GALNT5: variants seen among roughly 807,000 people sequenced by gnomAD.
GALNT5 encodes polypeptide N-acetylgalactosaminyltransferase 5.
Under a neutral mutation model 85.4 loss-of-function variants are expected in GALNT5, and 72 were observed. The observed-to-expected ratio is 0.84, with a 90% confidence interval of 0.70 to 1.03. The LOEUF is 1.03. Ranked by LOEUF, GALNT5 falls within the 50% of genes least tolerant of loss-of-function variation. The pLI is 0.00. For missense variants in GALNT5, 1,137 were observed against 1,135.5 expected (o/e 1.00, Z -0.02); for synonymous variants, 404 against 397.0 (o/e 1.02, Z -0.21).
At chr2:157,277,968 T>C (rs903759962) in intron 1 of GALNT5, among the ~76,000 whole-genome samples, 27 of 152,304 alleles carry the variant, frequency 1.8e-4, no homozygotes, top group Admixed American at 1.1e-3. Flanking sequence ...ACCAGTTGTT[T>C]CTTTCCATGT....
intron 5 of GALNT5, among the ~76,000 whole-genome samples, chr2:157,297,969 G>GT (rs751581726): frequency 3.9e-5 from 6 of 152,124 alleles, no homozygotes; most frequent in Non-Finnish European, 7.4e-5. Context: ...TTGAGCCTCT[G>GT]TTTTTTTATT....
At position 157,257,797 on chromosome 2, in the gene GALNT5, GA is replaced by G. The variant is rs1682219419; in HGVS notation, c.-284del. 2.5e-6 allele frequency: 1 copy of G among 408,062 alleles called. No individual in the cohort carries two copies. The highest frequency in any genetic ancestry group is 4.5e-6 in the Non-Finnish European group (1 of 223,224). The allele number at this position is 408,062 out of a possible 1,614,324, so 25.3% of individuals were successfully genotyped here. A position where few individuals can be genotyped will look rare whatever the true frequency, so the allele number is the denominator to read the frequency against. On this transcript the variant is annotated 5_prime_UTR_variant, in exon 1 of 10. It introduces an in-frame stop codon into an upstream open reading frame of the 5' UTR. Coordinates refer to ENST00000259056, the MANE Select transcript of GALNT5 (RefSeq NM_014568.3). ...GATATGTTGAACTGTTCGGTGGCTG[GA>G]ATCAACTGCTCCTGGAGTGACCTAA...
At chr2:157,278,379 A>C (rs1682785126) in intron 1 of GALNT5, among the ~76,000 whole-genome samples, 1 of 151,918 alleles carries the variant, frequency 6.6e-6, no homozygotes, top group South Asian at 2.1e-4. Context: ...GGTTGGGGAC[A>C]TTCTCCTGGA....
At chr2:157,272,495 C>G (rs900285895) in intron 1 of GALNT5, among the ~76,000 whole-genome samples, 1 of 152,168 alleles carries the variant, frequency 6.6e-6, no homozygotes, top group Non-Finnish European at 1.5e-5. Context: ...GAGCATAGTA[C>G]TCAACAGTTA....
chr2:157,313,464 AAACAGAGCC>A lies in GALNT5; in HGVS notation c.*2118_*2126del, dbSNP rs1374055289. The A allele has an allele frequency of 6.6e-6, 1 of 152,182 alleles. No individual in the cohort carries two copies. Among genetic ancestry groups the A allele is most frequent in the Non-Finnish European group, 1.5e-5 (1 of 68,032 alleles). The allele number at this position is 152,182 out of a possible 1,614,324, so 9.4% of individuals were successfully genotyped here. A position where few individuals can be genotyped will look rare whatever the true frequency, so the allele number is the denominator to read the frequency against. ...TGATGCATGACTCTAATTCTTTTCA[AAACAGAGCC>A]ATATGGGGCAAGGGGGATGGGGGGA... On this transcript the variant is annotated 3_prime_UTR_variant, in exon 10 of 10. Transcript: ENST00000259056.
chr2:157,303,145 G>C (rs536215923), intron 7 of GALNT5, among the ~76,000 whole-genome samples: 1 of 152,026 alleles, frequency 6.6e-6, no homozygotes, highest in African/African-American at 2.4e-5. Flanking sequence ...TTTTCTTATC[G>C]AACCAACAAT....
chr2:157,274,927 T>A (rs533693907), intron 1 of GALNT5, among the ~76,000 whole-genome samples: 1 of 152,346 alleles, frequency 6.6e-6, no homozygotes, highest in Non-Finnish European at 1.5e-5. Context: ...CTGAATGGTA[T>A]TGCCTAGATT....
chr2:157,278,170 A>G (rs990748297), intron 1 of GALNT5, among the ~76,000 whole-genome samples: 12 of 152,220 alleles, frequency 7.9e-5, no homozygotes, highest in Admixed American at 6.5e-4. Flanking sequence ...TCTGGCTTGT[A>G]GAGTTTCTGC....
intron 1 of GALNT5, among the ~76,000 whole-genome samples, chr2:157,277,275 G>A (rs1170062836): frequency 1.3e-5 from 2 of 152,180 alleles, no homozygotes; most frequent in African/African-American, 4.8e-5. Flanking sequence ...GTGCGATGTG[G>A]TGCTAAGAAG....
chr2:157,259,670 A>C, intron 1 of GALNT5, 134 bp downstream of exon 1: 2 of 605,798 alleles, frequency 3.3e-6, no homozygotes, highest in Non-Finnish European at 5.1e-6. Context: ...ATTGGATATC[A>C]TTCAAATATT....
chr2:157,294,784 C>CCACACACA (rs60607353), intron 3 of GALNT5, among the ~76,000 whole-genome samples: 4 of 146,928 alleles, frequency 2.7e-5, no homozygotes, highest in African/African-American at 5.0e-5. Flanking sequence ...TCACATCACA[C>CCACACACA]CACACACACA....
intron 1 of GALNT5, among the ~76,000 whole-genome samples, chr2:157,268,163 A>G (rs1682499063): frequency 6.6e-6 from 1 of 152,220 alleles, no homozygotes; most frequent in Admixed American, 6.5e-5. Flanking sequence ...CCCACATAGT[A>G]CATCTTGACT....
chr2:157,274,809 T>C (rs1335263850), intron 1 of GALNT5, among the ~76,000 whole-genome samples: 2 of 152,230 alleles, frequency 1.3e-5, no homozygotes, highest in Admixed American at 1.3e-4. Context: ...TAGTTTCTTT[T>C]GCCATGCAGA....
rs1683707556 is a variant in GALNT5 at position 157,316,518 on chromosome 2, TA to T, written c.*5171del. 6.6e-6 allele frequency among the ~76,000 whole-genome samples: 1 copy of T among 152,206 alleles called. No individual in the cohort carries two copies. The highest frequency in any genetic ancestry group is 1.5e-5 in the Non-Finnish European group (1 of 68,024). ...CTTTAAAACACAAACCATGACTTTT[TA>T]TTCCTACTCATTGTGTAGGTTGTCA... On this transcript the variant is annotated 3_prime_UTR_variant, in exon 10 of 10. Transcript: ENST00000259056.
chr2:157,310,112 TC>T (rs1489562495), intron 9 of GALNT5, among the ~76,000 whole-genome samples: 1 of 152,176 alleles, frequency 6.6e-6, no homozygotes, highest in African/African-American at 2.4e-5. Flanking sequence ...TAGCAGTTTC[TC>T]TTAAGCGGTA....
intron 2 of GALNT5, 85 bp downstream of exon 2, chr2:157,284,533 A>C: frequency 3.1e-6 from 3 of 954,106 alleles, no homozygotes; most frequent in Non-Finnish European, 4.9e-6. Context: ...GCAAAATTAT[A>C]GGATAATTTG....
rs2105174897 is a variant in GALNT5 at position 157,311,908 on chromosome 2, C to T, written c.*560C>T. The T allele has an allele frequency of 6.6e-6, 1 of 152,234 alleles. No homozygotes were observed. The highest frequency in any genetic ancestry group is 1.9e-4 in the East Asian group (1 of 5,180). 9.4% of individuals were successfully genotyped at this position (152,234 alleles called of 1,614,324 possible). ...AATAGTATTGATCTACTGCTGGTAACCCTGCTTGATGGCAGCATTTTGATC... is the reference window on the plus strand; with the variant it reads ...AATAGTATTGATCTACTGCTGGTAATCCTGCTTGATGGCAGCATTTTGATC... On this transcript the variant is annotated 3_prime_UTR_variant, in exon 10 of 10. Coordinates refer to ENST00000259056, the MANE Select transcript of GALNT5 (RefSeq NM_014568.3).
In GALNT5 at chr2:157,299,656, C is replaced by G. The variant is rs1683298459; in HGVS notation, c.2106C>G (p.Leu702=). The change falls in exon 6 of 10, where the codon CTC becomes CTG. Residue 702 remains leucine (L), a synonymous_variant. Coordinates refer to ENST00000259056, the MANE Select transcript of GALNT5 (RefSeq NM_014568.3). ...LDVWGGENME[L]SFKVWMCGGE... is the part of the protein sequence containing the mutation. ...TTTGGGGTGGGGAAAATATGGAGCT[C>G]TCATTCAAGGTATTACCAGGTGTTT... The G allele has an allele frequency of 1.0e-5, 16 of 1,572,038 alleles. No homozygotes were observed. The East Asian group carries it at 3.4e-4, about 33-fold the overall frequency.
chr2:157,262,561 C>T (rs1280260035), intron 1 of GALNT5, among the ~76,000 whole-genome samples: 2 of 151,784 alleles, frequency 1.3e-5, no homozygotes, highest in African/African-American at 4.9e-5. Context: ...TCACTTGAGC[C>T]TGAGCGGTCG....
Sources: gnomAD v4.1 joint callset for allele counts (sites outside exome capture counted in the v4.1 genomes callset) on GRCh38, gnomAD v4.1.1 for gene constraint, MANE v1.5 for transcripts, NCBI Gene and HGNC (gene_info 2026-07-23, HGNC 2026-07-21) for gene names.